COL27A1: variants seen among roughly 807,000 people sequenced by gnomAD.
COL27A1 encodes the protein collagen type XXVII alpha 1 chain.
In COL27A1, 106 loss-of-function variants were observed where a neutral mutation model predicts 251.3. The observed-to-expected ratio is 0.42, with a 90% CI of 0.36 to 0.50. COL27A1 has a LOEUF of 0.50. Ranked by LOEUF, COL27A1 falls within the 20% of genes least tolerant of loss-of-function variation. The pLI is 0.00. For synonymous variants in COL27A1, 1,000 were observed against 986.3 expected, an observed-to-expected ratio of 1.01 and a Z score of -0.26; for missense variants, 2,325 against 2,522.8, an observed-to-expected ratio of 0.92 and a Z score of 1.68.
intron 24 of COL27A1, among the ~76,000 whole-genome samples, chr9:114,246,443 G>A (rs900811660): frequency 6.6e-6 from 1 of 152,184 alleles, no homozygotes; most frequent in Admixed American, 6.5e-5. Context: ...TGAGGATCAC[G>A]ACCTTCAATT....
At chr9:114,276,617 AAAC>A (rs535026531) in intron 37 of COL27A1, among the ~76,000 whole-genome samples, 3 of 152,190 alleles carry the variant, frequency 2.0e-5, no homozygotes, top group Non-Finnish European at 4.4e-5. Flanking sequence ...AAAAACAAAC[AAAC>A]AACAACAACA....
intron 14 of COL27A1, among the ~76,000 whole-genome samples, chr9:114,222,813 C>A (rs1356225732): frequency 6.6e-6 from 1 of 152,136 alleles, no homozygotes; most frequent in Non-Finnish European, 1.5e-5. Context: ...CACTTACCTT[C>A]TCTGGGCCTA....
At chr9:114,194,828 A>G (rs1250589836) in intron 6 of COL27A1, among the ~76,000 whole-genome samples, 2 of 152,218 alleles carry the variant, frequency 1.3e-5, no homozygotes, top group Non-Finnish European at 2.9e-5. Flanking sequence ...ATGGCCAGGA[A>G]GCTTCCAATA....
intron 49 of COL27A1, among the ~76,000 whole-genome samples, chr9:114,293,446 A>G (rs940261812): frequency 6.6e-6 from 1 of 152,094 alleles, no homozygotes; most frequent in Non-Finnish European, 1.5e-5. Flanking sequence ...TCTCAAATAA[A>G]TGGTCTCGGA....
At chr9:114,283,049 T>C (rs932616731) in intron 39 of COL27A1, among the ~76,000 whole-genome samples, 1 of 152,122 alleles carries the variant, frequency 6.6e-6, no homozygotes, top group Non-Finnish European at 1.5e-5. Flanking sequence ...CTCCAGGAGA[T>C]GAAGACCCCA....
At chr9:114,292,475 G>A (rs1174533637) in intron 49 of COL27A1, among the ~76,000 whole-genome samples, 2 of 152,134 alleles carry the variant, frequency 1.3e-5, no homozygotes, top group Non-Finnish European at 2.9e-5. Context: ...CCAGAAGGTG[G>A]GCGCTCCTGA....
intron 3 of COL27A1, among the ~76,000 whole-genome samples, chr9:114,174,105 G>A (rs1052232210): frequency 6.6e-6 from 1 of 151,972 alleles, no homozygotes; most frequent in Non-Finnish European, 1.5e-5. Context: ...AGCCTCCTAA[G>A]TACCTGGGAT....
Position 114,155,688 on chromosome 9 carries a change from C to G in COL27A1, c.-263C>G, listed in dbSNP as rs1181221818. 3 of 152,236 alleles carry G rather than the reference C, an allele frequency of 2.0e-5. No individual in the cohort carries two copies. Among genetic ancestry groups the G allele is most frequent in the African/African-American group, 7.2e-5 (3 of 41,404 alleles). The allele number at this position is 152,236 out of a possible 1,614,324, so 9.4% of individuals were successfully genotyped here. On this transcript the variant is annotated 5_prime_UTR_variant, in exon 1 of 61. Coordinates refer to ENST00000356083, the MANE Select transcript of COL27A1 (RefSeq NM_032888.4). This position sits in a 1 kb window ranked among gnomAD's most constrained non-coding sequence, Gnocchi z 5.5. ...TCTCTCTTTTTCTTGCTTCTTCTTC[C>G]TTTTTGGTGGAAGCAGAAAAGGACC...
chr9:114,291,891 G>A (rs530944437), intron 48 of COL27A1, among the ~76,000 whole-genome samples: 6 of 152,204 alleles, frequency 3.9e-5, no homozygotes, highest in South Asian at 2.1e-4. Flanking sequence ...GGCAGGGCCC[G>A]GAATGCGAGA....
intron 7 of COL27A1, among the ~76,000 whole-genome samples, chr9:114,197,175 A>C (rs1022704319): frequency 5.9e-5 from 9 of 152,070 alleles, no homozygotes; most frequent in African/African-American, 1.9e-4. Flanking sequence ...ACTGTGTCTT[A>C]AGCTTCTGCC....
intron 7 of COL27A1, among the ~76,000 whole-genome samples, chr9:114,202,087 G>A (rs1045798147): frequency 6.6e-6 from 1 of 152,230 alleles, no homozygotes; most frequent in African/African-American, 2.4e-5. Flanking sequence ...CTTCAGTGCT[G>A]AGCCAGGCAT....
intron 44 of COL27A1, 111 bp downstream of exon 44, chr9:114,289,078 G>C: frequency 7.0e-7 from 1 of 1,421,792 alleles, no homozygotes; most frequent in Non-Finnish European, 9.7e-7. Flanking sequence ...CTGCAGGAGG[G>C]TCTGGGGCAG....
intron 12 of COL27A1, among the ~76,000 whole-genome samples, chr9:114,216,259 G>A (rs1046363114): frequency 2.0e-4 from 30 of 152,270 alleles, no homozygotes; most frequent in Admixed American, 1.1e-3. Flanking sequence ...ACGTGGCTGG[G>A]GCCCTGGCAG....
chr9:114,186,094 C>A (rs1411468740), intron 5 of COL27A1, among the ~76,000 whole-genome samples: 1 of 152,178 alleles, frequency 6.6e-6, no homozygotes, highest in Non-Finnish European at 1.5e-5. Context: ...CCAGAAGGAG[C>A]TTTGTCAGGG....
intron 37 of COL27A1, among the ~76,000 whole-genome samples, chr9:114,277,850 C>T (rs923728582): frequency 2.0e-5 from 3 of 152,150 alleles, no homozygotes; most frequent in African/African-American, 4.8e-5. Flanking sequence ...TGAGCTCCAG[C>T]GTTCTAGGGA....
Position 114,168,863 on chromosome 9 carries a change from A to G in COL27A1, c.1308A>G (p.Pro436=), listed in dbSNP as rs1849094711. The stretch of plus-strand genomic sequence containing the variant: ...GGAACCCGGGAATGCCCAGGCCCCC[A>G]CCGCCCAGCACCCGGCCCCTACCTC... ...IQRNPGMPRP[P]PPSTRPLPPT... is the part of the protein sequence containing the mutation. The change falls in exon 3 of 61, where the codon CCA becomes CCG. Residue 436 remains proline, a synonymous_variant. Coordinates refer to ENST00000356083, the MANE Select transcript of COL27A1 (RefSeq NM_032888.4). The G allele has an allele frequency of 4.3e-6, 7 of 1,613,414 alleles. No individual in the cohort carries two copies. The East Asian group carries it at 1.6e-4, about 36-fold the overall frequency.
At chr9:114,264,864 T>C in intron 29 of COL27A1, 60 bp from the exon 30 acceptor site, 2 of 1,548,346 alleles carry the variant, frequency 1.3e-6, no homozygotes, top group South Asian at 2.4e-5. Flanking sequence ...AGGGGTCCCT[T>C]TTTGGGGAAC....
At chr9:114,302,012 C>A in intron 55 of COL27A1, 70 bp from the exon 56 acceptor site, 1 of 1,446,618 alleles carries the variant, frequency 6.9e-7, no homozygotes. Context: ...TCTCCCTGGT[C>A]TCCTGACACC....
At chr9:114,193,919 G>A (rs780810570) in intron 5 of COL27A1, among the ~76,000 whole-genome samples, 1 of 152,128 alleles carries the variant, frequency 6.6e-6, no homozygotes, top group African/African-American at 2.4e-5. Flanking sequence ...TCTACAAGTA[G>A]GATGTGAAGG....
Sources: gnomAD v4.1 joint callset for allele counts (sites outside exome capture counted in the v4.1 genomes callset) on GRCh38, gnomAD v4.1.1 for gene constraint, Gnocchi (gnomAD v3.1) non-coding constraint, MANE v1.5 for transcripts, NCBI Gene and HGNC (gene_info 2026-07-23, HGNC 2026-07-21) for gene names.